The following BRINP3 variants were observed in gnomAD, a reference collection of about 807,000 sequenced individuals.
BRINP3 encodes the protein BMP/retinoic acid inducible neural specific 3, also known as BMP/retinoic acid-inducible neural-specific protein 3.
A neutral mutation model predicts 71.0 loss-of-function variants in BRINP3; 19 were observed. The observed-to-expected ratio is 0.27, with a 90% CI of 0.19 to 0.39. BRINP3 has a LOEUF of 0.39. BRINP3 is among the 10% of genes least tolerant of loss of function. The probability of loss-of-function intolerance (pLI) is 1.00; values close to 1 mark genes in which losing one functional copy is unlikely to be tolerated. For missense variants in BRINP3, 959 were observed against 940.8 expected, an observed-to-expected ratio of 1.02 and a Z score of -0.25; for synonymous variants, 380 against 337.7, an observed-to-expected ratio of 1.13 and a Z score of -1.37.
intron 6 of BRINP3, among the ~76,000 whole-genome samples, chr1:190,172,398 C>A (rs1002582338): frequency 6.6e-6 from 1 of 151,818 alleles, no homozygotes; most frequent in Non-Finnish European, 1.5e-5. Flanking sequence ...ATTGAATTAA[C>A]CAAATGTGCT....
intron 7 of BRINP3, among the ~76,000 whole-genome samples, chr1:190,124,159 T>C (rs1227489141): frequency 6.6e-6 from 1 of 152,190 alleles, no homozygotes; most frequent in Non-Finnish European, 1.5e-5. Context: ...AACAGATTAA[T>C]ACAGTCATCA....
At chr1:190,424,564 A>G (rs1673580286) in intron 2 of BRINP3, among the ~76,000 whole-genome samples, 1 of 151,658 alleles carries the variant, frequency 6.6e-6, no homozygotes, top group Non-Finnish European at 1.5e-5. Context: ...TAACATCCCA[A>G]CTTTGCCCCA....
intron 7 of BRINP3, among the ~76,000 whole-genome samples, chr1:190,146,840 A>G (rs1008263569): frequency 6.6e-6 from 1 of 152,022 alleles, no homozygotes; most frequent in Non-Finnish European, 1.5e-5. Context: ...ATTGTATTAA[A>G]TTGATAATTA....
intron 7 of BRINP3, among the ~76,000 whole-genome samples, chr1:190,153,267 C>T (rs993898427): frequency 1.3e-5 from 2 of 152,136 alleles, no homozygotes; most frequent in South Asian, 2.1e-4. Flanking sequence ...GCATTTAGAC[C>T]ATTATCTTTA....
intron 2 of BRINP3, among the ~76,000 whole-genome samples, chr1:190,329,024 G>A (rs1177654785): frequency 3.3e-5 from 5 of 152,006 alleles, no homozygotes; most frequent in Middle Eastern, 3.4e-3. Context: ...CACATACCTC[G>A]AAATAATAAG....
At chr1:190,283,836 G>A (rs1315466544) in intron 2 of BRINP3, among the ~76,000 whole-genome samples, 1 of 151,480 alleles carries the variant, frequency 6.6e-6, no homozygotes, top group East Asian at 1.9e-4. Flanking sequence ...ATAGGCTTAT[G>A]CTCAAACATT....
At chr1:190,110,103 G>A (rs950485552) in intron 7 of BRINP3, among the ~76,000 whole-genome samples, 2 of 152,124 alleles carry the variant, frequency 1.3e-5, no homozygotes, top group South Asian at 4.1e-4. Context: ...CTATGTACAC[G>A]ATGGGCTATG....
intron 2 of BRINP3, among the ~76,000 whole-genome samples, chr1:190,426,300 T>A (rs1326164966): frequency 1.3e-5 from 2 of 151,744 alleles, no homozygotes; most frequent in African/African-American, 4.8e-5. Context: ...TGTGGAGTCC[T>A]GAAACAAATA....
At chr1:190,439,144 G>T (rs1046209443) in intron 2 of BRINP3, among the ~76,000 whole-genome samples, 13 of 151,776 alleles carry the variant, frequency 8.6e-5, no homozygotes, top group African/African-American at 2.4e-4. Flanking sequence ...TTTTGACTCT[G>T]ATACAATGCA....
At chr1:190,179,820 T>C (rs551895854) in intron 6 of BRINP3, among the ~76,000 whole-genome samples, 1 of 152,264 alleles carries the variant, frequency 6.6e-6, no homozygotes, top group African/African-American at 2.4e-5. Context: ...AGTGGCTCAA[T>C]GAACAGACTC....
chr1:190,168,380 A>T (rs1399589454), intron 6 of BRINP3, among the ~76,000 whole-genome samples: 1 of 152,108 alleles, frequency 6.6e-6, no homozygotes, highest in Non-Finnish European at 1.5e-5. Flanking sequence ...CAAATATTCA[A>T]CTCGAATGGT....
intron 2 of BRINP3, among the ~76,000 whole-genome samples, chr1:190,397,312 G>A (rs1259040542): frequency 6.6e-6 from 1 of 151,916 alleles, no homozygotes; most frequent in Non-Finnish European, 1.5e-5. Flanking sequence ...GTTCATAGAT[G>A]AATATTCTTT....
chr1:190,242,681 T>A (rs1659220271), intron 4 of BRINP3, among the ~76,000 whole-genome samples: 2 of 152,174 alleles, frequency 1.3e-5, no homozygotes, highest in South Asian at 4.1e-4. Context: ...TTATTTGCCT[T>A]TTACAGGAGA....
chr1:190,446,067 A>T (rs575523933), intron 2 of BRINP3, among the ~76,000 whole-genome samples: 4 of 152,222 alleles, frequency 2.6e-5, no homozygotes, highest in Admixed American at 2.6e-4. Context: ...TCTCATTAAG[A>T]ACTGGCTCTT....
chr1:190,321,994 T>C lies in BRINP3; in HGVS notation c.237-40244A>G, dbSNP rs144255062. On this transcript the variant is annotated intron_variant, in intron 2 of 7. Coordinates refer to ENST00000367462, the MANE Select transcript of BRINP3 (RefSeq NM_199051.3). ...AATGATTTTTAAAACTATTGAAATA[T>C]ATATAAGATTTTTTCATAAATCTAT... Among the ~76,000 whole-genome samples, 284 of 152,124 alleles carry C rather than the reference T, an allele frequency of 1.9e-3. 12 individuals carry two copies. The East Asian group carries it at 0.046, about 25-fold the overall frequency.
intron 2 of BRINP3, among the ~76,000 whole-genome samples, chr1:190,293,064 C>T (rs1488215029): frequency 6.6e-6 from 1 of 151,686 alleles, no homozygotes. Context: ...TTTTCTTTTA[C>T]TAATTTTGGG....
intron 7 of BRINP3, among the ~76,000 whole-genome samples, chr1:190,107,408 C>T (rs1652267147): frequency 6.6e-6 from 1 of 151,842 alleles, no homozygotes; most frequent in Non-Finnish European, 1.5e-5. Flanking sequence ...ATCGAATGTC[C>T]TTTTTCCTCT....
intron 3 of BRINP3, among the ~76,000 whole-genome samples, chr1:190,277,104 TA>T (rs1368321225): frequency 1.7e-5 from 2 of 117,660 alleles, no homozygotes; most frequent in African/African-American, 5.8e-5. Flanking sequence ...TATATATATA[TA>T]TATATATATA....
At chr1:190,257,052 A>T (rs1660727320) in intron 4 of BRINP3, among the ~76,000 whole-genome samples, 2 of 152,294 alleles carry the variant, frequency 1.3e-5, no homozygotes, top group South Asian at 4.1e-4. Context: ...AGGTTGGGGA[A>T]GTTCTCCTGG....
Sources: gnomAD v4.1 joint callset for allele counts (sites outside exome capture counted in the v4.1 genomes callset) on GRCh38, gnomAD v4.1.1 for gene constraint, MANE v1.5 for transcripts, NCBI Gene and HGNC (gene_info 2026-07-23, HGNC 2026-07-21) for gene names.